PKHD1: variants seen among roughly 807,000 people sequenced by gnomAD.
PKHD1 encodes the protein PKHD1 ciliary IPT domain containing fibrocystin/polyductin.
PKHD1 carries 291 observed loss-of-function variants against 412.0 expected under a neutral mutation model. That is an observed-to-expected ratio of 0.71 (90% CI 0.64 to 0.78). The LOEUF is 0.78. Among genes scored for constraint, PKHD1 ranks in the 30% least tolerant of loss-of-function variants. PKHD1 has a pLI of 0.00. For synonymous variants in PKHD1, 1,777 were observed against 1,821.5 expected, an observed-to-expected ratio of 0.98 and a Z score of 0.62; for missense variants, 4,825 against 4,950.7, an observed-to-expected ratio of 0.97 and a Z score of 0.76.
chr6:51,952,211 C>G (rs558958788), intron 36 of PKHD1, among the ~76,000 whole-genome samples: 1 of 152,238 alleles, frequency 6.6e-6, no homozygotes, highest in African/African-American at 2.4e-5. Flanking sequence ...AATAAGGGGT[C>G]TCAGAGCCAA....
Position 51,747,820 on chromosome 6 carries a change from C to G in PKHD1, c.9796G>C (p.Asp3266His). 6.2e-7 allele frequency: 1 copy of G among 1,613,868 alleles called. No homozygotes were observed. The highest frequency in any genetic ancestry group is 1.1e-5 in the South Asian group (1 of 91,078). ...PQEPWHKVRN[D>H]HSISGIMKLQ... The stretch of plus-strand genomic sequence containing the variant: ...TTCATGATTCCTGAAATTGAATGAT[C>G]ATTCCTCACTTTGTGCCATGGCTCC... The change falls in exon 58 of 67, where the codon GAT becomes CAT. Residue 3266 changes from aspartate (D) to histidine (H), a missense_variant. Asp to His is a moderately conservative substitution (Grantham distance 81). Coordinates refer to ENST00000371117, the MANE Select transcript of PKHD1 (RefSeq NM_138694.4).
At chr6:51,813,088 A>G (rs1188152403) in intron 52 of PKHD1, among the ~76,000 whole-genome samples, 1 of 152,150 alleles carries the variant, frequency 6.6e-6, no homozygotes. Context: ...AAACATAAAA[A>G]AACAAGCTGT....
At chr6:51,702,172 A>G (rs139633195) in intron 60 of PKHD1, among the ~76,000 whole-genome samples, 9 of 146,232 alleles carry the variant, frequency 6.2e-5, no homozygotes, top group African/African-American at 2.3e-4. Context: ...TATTATATGT[A>G]TAATATATAA....
chr6:51,638,200 T>C (rs1768835933), intron 64 of PKHD1, among the ~76,000 whole-genome samples: 1 of 152,194 alleles, frequency 6.6e-6, no homozygotes, highest in African/African-American at 2.4e-5. Flanking sequence ...ATTGCAAACT[T>C]ATTTCAACAT....
At chr6:51,908,488 AGAAAT>A (rs1459946833) in intron 40 of PKHD1, among the ~76,000 whole-genome samples, 1 of 152,268 alleles carries the variant, frequency 6.6e-6, no homozygotes, top group East Asian at 1.9e-4. Flanking sequence ...AGGATTACTC[AGAAAT>A]GGAGCTGCTG....
intron 60 of PKHD1, among the ~76,000 whole-genome samples, chr6:51,705,251 C>G (rs146309520): frequency 1.4e-3 from 218 of 151,720 alleles, no homozygotes; most frequent in African/African-American, 5.0e-3. Flanking sequence ...TTTTAAGAAC[C>G]AGGGAGTGGA....
chr6:51,786,691 T>C (rs1051218637), intron 53 of PKHD1, among the ~76,000 whole-genome samples: 1 of 152,188 alleles, frequency 6.6e-6, no homozygotes, highest in African/African-American at 2.4e-5. Flanking sequence ...TTGGAAGACA[T>C]GATCCTTCCA....
rs569120064 is a variant in PKHD1, at chr6:51,899,752, G to A, written c.6996+3845C>T. 3.3e-5 allele frequency among the ~76,000 whole-genome samples: 5 copies of A among 152,324 alleles called. No individual in the cohort carries two copies. The South Asian group carries it at 1.0e-3, about 32-fold the overall frequency. Reference sequence around the variant, plus strand: ...GTCCCTGTTTACAGAAGACATGATTGTATATCTGGAAAGCCCCATTGTCTC... The same window carrying A: ...GTCCCTGTTTACAGAAGACATGATTATATATCTGGAAAGCCCCATTGTCTC... On this transcript the variant is annotated intron_variant, in intron 43 of 66. Coordinates refer to ENST00000371117, the MANE Select transcript of PKHD1 (RefSeq NM_138694.4).
At chr6:51,736,621 T>G (rs1458411626) in intron 60 of PKHD1, among the ~76,000 whole-genome samples, 1 of 152,180 alleles carries the variant, frequency 6.6e-6, no homozygotes, top group Non-Finnish European at 1.5e-5. Flanking sequence ...TATACCAAGC[T>G]TCAATCTTTG....
intron 55 of PKHD1, among the ~76,000 whole-genome samples, chr6:51,765,060 C>T (rs1423072528): frequency 2.0e-5 from 3 of 152,012 alleles, no homozygotes; most frequent in African/African-American, 7.2e-5. Context: ...CTTCGCATGC[C>T]CCTGCTGCCT....
chr6:51,908,083 T>C (rs1562591873), intron 40 of PKHD1, among the ~76,000 whole-genome samples: 1 of 152,048 alleles, frequency 6.6e-6, no homozygotes, highest in Non-Finnish European at 1.5e-5. Context: ...TGCAGTACTA[T>C]ATACAGCTGA....
intron 46 of PKHD1, among the ~76,000 whole-genome samples, chr6:51,872,707 G>A (rs1051252425): frequency 6.6e-6 from 1 of 151,938 alleles, no homozygotes; most frequent in Non-Finnish European, 1.5e-5. Flanking sequence ...CTGAATCTGA[G>A]TATCTTAAAA....
intron 35 of PKHD1, among the ~76,000 whole-genome samples, chr6:51,966,500 C>G (rs1011027617): frequency 1.3e-5 from 2 of 151,934 alleles, no homozygotes; most frequent in African/African-American, 4.8e-5. Flanking sequence ...TTGGGAGGCC[C>G]CAAGATTTAT....
chr6:51,882,060 T>C (rs1440540048), intron 46 of PKHD1, among the ~76,000 whole-genome samples: 4 of 152,234 alleles, frequency 2.6e-5, no homozygotes, highest in Non-Finnish European at 4.4e-5. Flanking sequence ...ACTGCAACAT[T>C]AATTTACCAA....
rs150992304 is a variant in PKHD1 at position 51,926,333 on chromosome 6, G to A, written c.6121+7777C>T. On this transcript the variant is annotated intron_variant, in intron 37 of 66. Coordinates refer to ENST00000371117, the MANE Select transcript of PKHD1 (RefSeq NM_138694.4). ...CTTAATGACTTCATTGGAGCACCTG[G>A]ACTCAGCTGTGCCTCAAGTTTTTTC... is the stretch of plus-strand genomic sequence containing the variant. 5.3e-5 allele frequency among the ~76,000 whole-genome samples: 8 copies of A among 152,204 alleles called. 1 individual carries two copies. The highest frequency in any genetic ancestry group is 1.9e-4 in the African/African-American group (8 of 41,528).
At chr6:51,937,619 A>G (rs1381199579) in intron 36 of PKHD1, among the ~76,000 whole-genome samples, 1 of 152,162 alleles carries the variant, frequency 6.6e-6, no homozygotes, top group African/African-American at 2.4e-5. Flanking sequence ...TGCCATCAGT[A>G]ATAGTCACGG....
chr6:52,002,452 T>C (rs1798546860), intron 35 of PKHD1, among the ~76,000 whole-genome samples: 2 of 152,150 alleles, frequency 1.3e-5, no homozygotes, highest in South Asian at 4.1e-4. Context: ...CCCCCTGAAG[T>C]AGGTAATTCT....
chr6:51,871,781 G>T lies in PKHD1; in HGVS notation c.7351-1142C>A, dbSNP rs1212504599. On this transcript the variant is annotated intron_variant, in intron 46 of 66. Coordinates refer to ENST00000371117, the MANE Select transcript of PKHD1 (RefSeq NM_138694.4). The stretch of plus-strand genomic sequence containing the variant: ...AACACTATCCAATCAAGCTGCTAGT[G>T]CCTCACTGTTCCATTGTTAAAAATA... Among the ~76,000 whole-genome samples the T allele has an allele frequency of 5.0e-5, 6 of 118,812 alleles. 1 individual carries two copies. Among genetic ancestry groups the T allele is most frequent in the African/African-American group, 1.6e-4 (6 of 36,628 alleles). 77.9% of individuals were successfully genotyped at this position (118,812 alleles called of 152,430 possible). A position where few individuals can be genotyped will look rare whatever the true frequency, so the allele number is the denominator to read the frequency against.
chr6:51,849,950 C>T (rs1045844214), intron 49 of PKHD1, among the ~76,000 whole-genome samples: 4 of 152,072 alleles, frequency 2.6e-5, no homozygotes, highest in Admixed American at 6.6e-5. Context: ...TTGGCATTTT[C>T]GTCATGAAGT....
Sources: gnomAD v4.1 joint callset for allele counts (sites outside exome capture counted in the v4.1 genomes callset) on GRCh38, gnomAD v4.1.1 for gene constraint, MANE v1.5 for transcripts, NCBI Gene and HGNC (gene_info 2026-07-23, HGNC 2026-07-21) for gene names.